OBP2B: variants seen among roughly 807,000 people sequenced by gnomAD.
OBP2B encodes odorant binding protein 2B.
Under a neutral mutation model 21.7 loss-of-function variants are expected in OBP2B, and 10 were observed. The observed-to-expected ratio is 0.46, with a 90% CI of 0.28 to 0.78. OBP2B has a LOEUF of 0.78. Among genes scored for constraint, OBP2B ranks in the 30% least tolerant of loss-of-function variants. The probability of loss-of-function intolerance (pLI) is 0.11; values close to 1 mark genes in which losing one functional copy is unlikely to be tolerated. For synonymous variants in OBP2B, 73 were observed against 91.5 expected (o/e 0.80, Z 1.16); for missense variants, 153 against 217.7 (o/e 0.70, Z 1.87).
At chr9:133,217,347 G>A in the OBP2B span, among the ~76,000 whole-genome samples, 1 of 152,174 alleles carries the variant, frequency 6.6e-6, no homozygotes, top group African/African-American at 2.4e-5. Flanking sequence ...CTTCATGGCC[G>A]GTTCCGAGGC....
At chr9:133,219,266 T>G in the OBP2B span, among the ~76,000 whole-genome samples, 1 of 152,218 alleles carries the variant, frequency 6.6e-6, no homozygotes, top group East Asian at 1.9e-4. Context: ...ACAGACAAAT[T>G]GGACTTCATC....
the OBP2B span, among the ~76,000 whole-genome samples, chr9:133,223,157 AGG>A: frequency 0.013 from 1,923 of 152,230 alleles, 56 homozygotes; most frequent in African/African-American, 0.044. This position sits in a 1 kb window ranked among gnomAD's most constrained non-coding sequence, Gnocchi z 4.4. Flanking sequence ...GCTGGTGTTG[AGG>A]CCTCATTCAC....
upstream of OBP2B, among the ~76,000 whole-genome samples, chr9:133,209,656 A>T (rs1351708610): frequency 3.9e-5 from 6 of 152,012 alleles, no homozygotes; most frequent in African/African-American, 1.4e-4. This position sits in a 1 kb window ranked among gnomAD's most constrained non-coding sequence, Gnocchi z 6.0. Context: ...GCAGAAATGG[A>T]CTGGGCTTTA....
At chr9:133,219,611 A>G in the OBP2B span, among the ~76,000 whole-genome samples, 5 of 152,258 alleles carry the variant, frequency 3.3e-5, no homozygotes, top group African/African-American at 1.2e-4. Flanking sequence ...AAGCCAGATA[A>G]TAACAAGGGT....
intron 4 of OBP2B, 160 bp from the exon 5 acceptor site, chr9:133,206,576 G>T: frequency 1.2e-6 from 1 of 852,484 alleles, no homozygotes; most frequent in Non-Finnish European, 1.8e-6. Context: ...AGAGGAGATG[G>T]CCACTGCCCA....
At position 133,208,876 on chromosome 9, in the gene OBP2B, C is replaced by T. The variant is rs532461509; in HGVS notation, c.72+252G>A. Among the ~76,000 whole-genome samples the T allele has an allele frequency of 2.0e-5, 3 of 152,154 alleles. No individual in the cohort carries two copies. The South Asian group carries it at 6.2e-4, about 32-fold the overall frequency. ...AGGTGAGCCCTCCCTCCACAGGGCC[C>T]AACCCTGCGAGACCTTCGGGCTTCA... On this transcript the variant is annotated intron_variant, in intron 1 of 6. Transcript: ENST00000372034.
chr9:133,207,031 C>T (rs1833741492), intron 4 of OBP2B, among the ~76,000 whole-genome samples, 195 bp downstream of exon 4: 2 of 152,118 alleles, frequency 1.3e-5, no homozygotes, highest in African/African-American at 4.8e-5. Flanking sequence ...CACCGAGGGC[C>T]ATGTCTGTCC....
At chr9:133,210,436 G>A (rs3761822), upstream of OBP2B, among the ~76,000 whole-genome samples, 96,334 of 151,864 alleles carry the variant, frequency 0.63, 32,664 homozygotes, top group Non-Finnish European at 0.78. Flanking sequence ...AAGTGCTGCC[G>A]AGCAGAAACC....
chr9:133,222,908 G>A, the OBP2B span, among the ~76,000 whole-genome samples: 1 of 151,608 alleles, frequency 6.6e-6, no homozygotes, highest in Admixed American at 6.6e-5. Context: ...CTTCACCGGA[G>A]CCCCCACTCC....
intron 3 of OBP2B, 91 bp downstream of exon 3, chr9:133,208,042 A>G: frequency 6.8e-7 from 1 of 1,465,520 alleles, no homozygotes; most frequent in Non-Finnish European, 9.1e-7. Context: ...CCCTGGCAAA[A>G]GGGCAGCCTG....
Position 133,205,711 on chromosome 9 carries a change from G to A in OBP2B, c.*1+206C>T, listed in dbSNP as rs541785219. ...GCCGAGGAGGACCCTCACTCGGGCTGGCAGGTGCAGGAATGATAAAACAAA... is the reference window on the plus strand; with the variant it reads ...GCCGAGGAGGACCCTCACTCGGGCTAGCAGGTGCAGGAATGATAAAACAAA... On this transcript the variant is annotated intron_variant, in intron 6 of 6. Coordinates refer to ENST00000372034, the MANE Select transcript of OBP2B (RefSeq NM_014581.4). 71 of 556,934 alleles carry A rather than the reference G, an allele frequency of 1.3e-4. 2 individuals carry two copies. In the Admixed American group the frequency reaches 1.9e-3, roughly 15 times the overall value. The allele number at this position is 556,934 out of a possible 1,614,324, so 34.5% of individuals were successfully genotyped here. A position where few individuals can be genotyped will look rare whatever the true frequency, so the allele number is the denominator to read the frequency against.
At chr9:133,205,712 G>T in intron 6 of OBP2B, 1 of 555,738 alleles carries the variant, frequency 1.8e-6, no homozygotes. Context: ...ACTCGGGCTG[G>T]CAGGTGCAGG....
Position 133,206,359 on chromosome 9 carries a change from C to A in OBP2B, c.446G>T (p.Arg149Leu). ...AATGTCCTCCTCCGAGAGTCCCTTG[C>A]GCTGCACCAATTTCTTAAATTCTTC... ...ALEEFKKLVQRKGLSEEDIFT... is the reference protein window; with the variant it reads ...ALEEFKKLVQLKGLSEEDIFT... Residue 149 changes from arginine (R) to leucine (L), a missense_variant, in exon 5 of 7, where the codon CGC becomes CTC. Arg to Leu is a moderately radical substitution (Grantham distance 102). Around this residue, in one of 2 missense-constraint regions of OBP2B, gnomAD observed 151 missense variants for 186.3 expected, o/e 0.81. Coordinates refer to ENST00000372034, the MANE Select transcript of OBP2B (RefSeq NM_014581.4). 3.7e-6 allele frequency: 6 copies of A among 1,613,598 alleles called. No homozygotes were observed. Among genetic ancestry groups the A allele is most frequent in the South Asian group, 2.2e-5 (2 of 91,062 alleles).
upstream of OBP2B, among the ~76,000 whole-genome samples, chr9:133,211,944 G>A (rs1833920952): frequency 1.3e-5 from 2 of 152,180 alleles, no homozygotes; most frequent in Non-Finnish European, 2.9e-5. Context: ...ACAACTATAT[G>A]CCGTCTACAA....
chr9:133,220,818 C>T, the OBP2B span, among the ~76,000 whole-genome samples: 3 of 152,154 alleles, frequency 2.0e-5, no homozygotes, highest in African/African-American at 7.2e-5. Context: ...CACAGGGGCC[C>T]TTATAGGAGA....
upstream of OBP2B, among the ~76,000 whole-genome samples, chr9:133,212,084 A>G (rs1433918671): frequency 6.6e-6 from 1 of 152,272 alleles, no homozygotes; most frequent in African/African-American, 2.4e-5. Flanking sequence ...TAGAACAAAG[A>G]CTAATTAACA....
the OBP2B span, among the ~76,000 whole-genome samples, chr9:133,220,649 C>T: frequency 7.4e-5 from 11 of 148,680 alleles, no homozygotes; most frequent in African/African-American, 2.7e-4. Flanking sequence ...GCCCTGTGTC[C>T]CCCATGTGTA....
chr9:133,205,884 G>A (rs1454171104), intron 6 of OBP2B, 33 bp downstream of exon 6: 3 of 1,613,696 alleles, frequency 1.9e-6, no homozygotes, highest in Non-Finnish European at 2.5e-6. Context: ...AGGACTCTGG[G>A]CTTGTCCAGT....
chr9:133,209,484 A>T (rs1163983795), upstream of OBP2B, among the ~76,000 whole-genome samples: 1 of 152,076 alleles, frequency 6.6e-6, no homozygotes, highest in Non-Finnish European at 1.5e-5. This position sits in a 1 kb window ranked among gnomAD's most constrained non-coding sequence, Gnocchi z 6.0. Flanking sequence ...ATGAGCCCAG[A>T]GGACTCGAGA....
Sources: allele counts gnomAD v4.1 joint callset (sites outside exome capture counted in the v4.1 genomes callset), GRCh38; gene constraint gnomAD v4.1.1; regional missense constraint gnomAD v4.1.1; non-coding constraint Gnocchi (gnomAD v3.1); transcripts MANE v1.5; gene names NCBI Gene and HGNC (gene_info 2026-07-23, HGNC 2026-07-21).